SOX30: variants seen among roughly 807,000 people sequenced by gnomAD.
SOX30 encodes the protein transcription factor SOX-30.
Under a neutral mutation model 58.6 loss-of-function variants are expected in SOX30, and 17 were observed. The ratio of observed to expected loss-of-function variants is 0.29; its 90% CI spans 0.20 to 0.44. The LOEUF (loss-of-function observed/expected upper bound fraction) is 0.44, where lower values mean the gene tolerates loss of function less well. Ranked by LOEUF, SOX30 falls within the 20% of genes least tolerant of loss-of-function variation. The probability of loss-of-function intolerance (pLI) is 1.00; values close to 1 mark genes in which losing one functional copy is unlikely to be tolerated. For synonymous variants in SOX30, 421 were observed against 400.2 expected, an observed-to-expected ratio of 1.05 and a Z score of -0.62; for missense variants, 951 against 965.8, an observed-to-expected ratio of 0.98 and a Z score of 0.20.
intron 2 of SOX30, among the ~76,000 whole-genome samples, chr5:157,647,138 T>G (rs567539591): frequency 9.9e-5 from 15 of 151,562 alleles, no homozygotes; most frequent in Admixed American, 2.6e-4. Flanking sequence ...CTCGGCTCAC[T>G]GCAACCTCCG....
At chr5:157,655,268 G>A (rs561562688), upstream of SOX30, among the ~76,000 whole-genome samples, 179 of 152,258 alleles carry the variant, frequency 1.2e-3, 2 homozygotes, top group African/African-American at 4.0e-3. Context: ...CTAAAGGGAC[G>A]ATACTTAGGA....
At chr5:157,662,566 G>GT (rs1467543996) in intron 2 of SOX30, among the ~76,000 whole-genome samples, 1 of 152,048 alleles carries the variant, frequency 6.6e-6, no homozygotes, top group Non-Finnish European at 1.5e-5. Flanking sequence ...TTCCCTGGAG[G>GT]TTTTTTCTTT....
intron 2 of SOX30, among the ~76,000 whole-genome samples, chr5:157,660,153 G>A (rs1324840878): frequency 6.6e-6 from 1 of 152,222 alleles, no homozygotes; most frequent in African/African-American, 2.4e-5. Flanking sequence ...TGGTGCAGTT[G>A]TTCATGCCTG....
At chr5:157,654,642 G>A (rs1278941087), upstream of SOX30, among the ~76,000 whole-genome samples, 1 of 152,206 alleles carries the variant, frequency 6.6e-6, no homozygotes, top group East Asian at 1.9e-4. Flanking sequence ...GGCATTCTAA[G>A]TCACAGGATG....
chr5:157,656,133 C>CCTTTAT (rs1759469794), upstream of SOX30, among the ~76,000 whole-genome samples: 1 of 151,900 alleles, frequency 6.6e-6, no homozygotes. Flanking sequence ...GGAGATGAGT[C>CCTTTAT]CTTTATCTTT....
At chr5:157,668,070 G>A (rs528800267) in intron 1 of SOX30, among the ~76,000 whole-genome samples, 10 of 152,278 alleles carry the variant, frequency 6.6e-5, no homozygotes, top group Admixed American at 1.3e-4. Flanking sequence ...CCAGGCTGCC[G>A]CCCCAGTGAT....
intron 4 of SOX30, among the ~76,000 whole-genome samples, chr5:157,631,043 T>G: frequency 2.4e-5 from 1 of 42,404 alleles, no homozygotes; most frequent in Admixed American, 3.2e-4. Flanking sequence ...ACAATATATA[T>G]ATTTTATATA....
Position 157,650,669 on chromosome 5 carries a change from C to G in SOX30, c.967+443G>C, listed in dbSNP as rs556916837. ...TATTATTCATTTTTAAAGATAGCCT[C>G]TATAATCGGTATAAACTTTCCTGTT... On this transcript the variant is annotated intron_variant, in intron 1 of 4. Coordinates refer to ENST00000265007, the MANE Select transcript of SOX30 (RefSeq NM_178424.2). Among the ~76,000 whole-genome samples the G allele has an allele frequency of 2.4e-4, 37 of 152,306 alleles. 1 individual carries two copies. In the South Asian group the frequency reaches 7.7e-3, roughly 32 times the overall value.
intron 4 of SOX30, among the ~76,000 whole-genome samples, chr5:157,627,675 A>C (rs1046957972): frequency 6.6e-6 from 1 of 152,194 alleles, no homozygotes; most frequent in African/African-American, 2.4e-5. Context: ...GTGAAGAATC[A>C]AAAAGACATT....
At position 157,652,027 on chromosome 5, in the gene SOX30, C is replaced by T. The variant is rs1051202186; in HGVS notation, c.52G>A (p.Ala18Thr). Reference sequence around the variant, plus strand: ...CCCTCGACCGGCAGCGGGGGCGGAGCGGGACGCAACGGGCGCGGCTGAGGC... The same window carrying T: ...CCCTCGACCGGCAGCGGGGGCGGAGTGGGACGCAACGGGCGCGGCTGAGGC... ...PPPQPRPLRP[A>T]PPPLPVEGTS... The change falls in exon 1 of 5, where the codon GCT becomes ACT. Residue 18 changes from alanine (A) to threonine (T), a missense_variant. By Grantham distance (58) the Ala-to-Thr change is moderately conservative. Around this residue, in one of 7 missense-constraint regions of SOX30, gnomAD observed 363 missense variants for 294.5 expected, o/e 1.23. Transcript: ENST00000265007. 3 of 1,424,824 alleles carry T rather than the reference C, an allele frequency of 2.1e-6. No individual in the cohort carries two copies. The African/African-American group carries it at 4.5e-5, about 21-fold the overall frequency. 88.3% of individuals were successfully genotyped at this position (1,424,824 alleles called of 1,614,324 possible). A position where few individuals can be genotyped will look rare whatever the true frequency, so the allele number is the denominator to read the frequency against.
chr5:157,649,021 T>C (rs745634868), intron 1 of SOX30, 125 bp from the exon 2 acceptor site: 1 of 1,300,054 alleles, frequency 7.7e-7, no homozygotes, highest in Non-Finnish European at 1.0e-6. Context: ...TACACTTCAA[T>C]ATAACCAAAA....
In SOX30 at chr5:157,645,919, C is replaced by G. The variant is rs541346307; in HGVS notation, c.1387+718G>C. On this transcript the variant is annotated intron_variant, in intron 3 of 4. Transcript: ENST00000265007. Reference sequence around the variant, plus strand: ...CCTGTAATCCCAGCTAGTCGGGAGGCTGAGGCAGCAGAATTGCTTGAACCC... The same window carrying G: ...CCTGTAATCCCAGCTAGTCGGGAGGGTGAGGCAGCAGAATTGCTTGAACCC... 7.3e-5 allele frequency among the ~76,000 whole-genome samples: 11 copies of G among 151,560 alleles called. No homozygotes were observed. The South Asian group carries it at 2.3e-3, about 32-fold the overall frequency.
intron 2 of SOX30, among the ~76,000 whole-genome samples, chr5:157,659,842 C>A (rs1194094426): frequency 6.6e-6 from 1 of 152,132 alleles, no homozygotes; most frequent in African/African-American, 2.4e-5. Flanking sequence ...TTCTGAATGG[C>A]AATTGGTTGA....
chr5:157,632,714 G>A (rs1758841577), intron 4 of SOX30, among the ~76,000 whole-genome samples: 1 of 152,180 alleles, frequency 6.6e-6, no homozygotes, highest in South Asian at 2.1e-4. Flanking sequence ...AAATCACATA[G>A]AGCCCTGAGT....
At chr5:157,647,794 C>T (rs931557680) in intron 2 of SOX30, among the ~76,000 whole-genome samples, 4 of 151,760 alleles carry the variant, frequency 2.6e-5, no homozygotes, top group East Asian at 1.9e-4. Context: ...CTCCTGACCT[C>T]GTGATCCACC....
upstream of SOX30, among the ~76,000 whole-genome samples, chr5:157,654,873 T>TCCACC (rs1210562865): frequency 6.6e-6 from 1 of 152,102 alleles, no homozygotes; most frequent in Non-Finnish European, 1.5e-5. Context: ...GCATGAAAAA[T>TCCACC]CCACCCCTTG....
At chr5:157,655,853 A>G (rs565287925), upstream of SOX30, among the ~76,000 whole-genome samples, 3 of 152,350 alleles carry the variant, frequency 2.0e-5, no homozygotes, top group African/African-American at 7.2e-5. Flanking sequence ...GCTGTAGCCA[A>G]TCTGGTGTGT....
intron 2 of SOX30, among the ~76,000 whole-genome samples, chr5:157,665,117 T>G (rs1190784061): frequency 6.6e-6 from 1 of 152,240 alleles, no homozygotes; most frequent in African/African-American, 2.4e-5. Flanking sequence ...CAAAGGATTA[T>G]AAATCATGCT....
intron 2 of SOX30, among the ~76,000 whole-genome samples, chr5:157,663,330 A>G (rs905105879): frequency 6.6e-6 from 1 of 152,232 alleles, no homozygotes; most frequent in Non-Finnish European, 1.5e-5. Context: ...TCCAGCATAT[A>G]AACAGAGCCA....
Sources: gnomAD v4.1 joint callset for allele counts (sites outside exome capture counted in the v4.1 genomes callset) on GRCh38, gnomAD v4.1.1 for gene constraint, gnomAD v4.1.1 regional missense constraint, MANE v1.5 for transcripts, NCBI Gene and HGNC (gene_info 2026-07-23, HGNC 2026-07-21) for gene names.